Variants in NDST4 observed in about 807,000 individuals in gnomAD.
The protein encoded by NDST4 is N-heparan sulfate sulfotransferase 4.
NDST4 carries 63 observed loss-of-function variants against 100.8 expected under a neutral mutation model. The ratio of observed to expected loss-of-function variants is 0.62; its 90% CI spans 0.51 to 0.77. The LOEUF (loss-of-function observed/expected upper bound fraction) is 0.77. NDST4 is among the 30% of genes least tolerant of loss of function. The probability of loss-of-function intolerance (pLI) is 0.00; values close to 1 mark genes in which losing one functional copy is unlikely to be tolerated. For synonymous variants in NDST4, 377 were observed against 361.8 expected, an observed-to-expected ratio of 1.04 and a Z score of -0.48; for missense variants, 943 against 1,018.4, an observed-to-expected ratio of 0.93 and a Z score of 1.01.
At chr4:115,098,972 T>C (rs529701668) in intron 1 of NDST4, among the ~76,000 whole-genome samples, 1 of 152,170 alleles carries the variant, frequency 6.6e-6, no homozygotes, top group East Asian at 1.9e-4. Context: ...CGTCCCAAAA[T>C]GATGGGATTA....
chr4:114,937,290 T>C (rs778984904), intron 5 of NDST4, 28 bp downstream of exon 5: 6 of 1,610,012 alleles, frequency 3.7e-6, no homozygotes. Flanking sequence ...ATTAACATCC[T>C]TCAATATACA....
chr4:114,881,117 T>A (rs1429049671), intron 6 of NDST4, among the ~76,000 whole-genome samples: 1 of 151,938 alleles, frequency 6.6e-6, no homozygotes, highest in Non-Finnish European at 1.5e-5. Context: ...CATTGAAGGA[T>A]TTTGAGTAGG....
At chr4:114,842,465 G>A (rs962781031) in intron 10 of NDST4, among the ~76,000 whole-genome samples, 7 of 151,318 alleles carry the variant, frequency 4.6e-5, no homozygotes, top group African/African-American at 1.7e-4. Flanking sequence ...TACGAACTCG[G>A]ATCAGCAAAA....
At chr4:115,090,493 C>T (rs549090865) in intron 1 of NDST4, among the ~76,000 whole-genome samples, 3 of 151,888 alleles carry the variant, frequency 2.0e-5, no homozygotes, top group Middle Eastern at 3.4e-3. Flanking sequence ...ATTCTCAATC[C>T]AGTCACCTTT....
intron 2 of NDST4, among the ~76,000 whole-genome samples, chr4:115,074,478 A>G (rs569677463): frequency 6.6e-6 from 1 of 152,162 alleles, no homozygotes; most frequent in South Asian, 2.1e-4. Flanking sequence ...GAAAACTGTC[A>G]TTTATACTAA....
intron 7 of NDST4, among the ~76,000 whole-genome samples, chr4:114,867,881 G>C (rs984895388): frequency 6.6e-6 from 1 of 152,002 alleles, no homozygotes; most frequent in Non-Finnish European, 1.5e-5. Context: ...ACCTGTGAAA[G>C]AATCAATTTC....
In NDST4 at chr4:115,075,784, G is replaced by GGAAAAA. The variant is rs552103308; in HGVS notation, c.978+274_978+275insTTTTTC. On this transcript the variant is annotated intron_variant, in intron 2 of 13. Transcript: ENST00000264363. ...GGGCGACAGAGCAAGAGTCTGTTCAGAAAAAAAAAAAAAAAAAAAGGCAAA... is the reference window on the plus strand; with the variant it reads ...GGGCGACAGAGCAAGAGTCTGTTCAGGAAAAAAAAAAAAAAAAAAAAAAAAGGCAAA... Among the ~76,000 whole-genome samples, 14 of 87,422 alleles carry GGAAAAA rather than the reference G, an allele frequency of 1.6e-4. 1 individual carries two copies. In the East Asian group the frequency reaches 3.1e-3, roughly 19 times the overall value. The allele number at this position is 87,422 out of a possible 152,430, so 57.4% of individuals were successfully genotyped here.
At chr4:115,093,921 A>C (rs1421155791) in intron 1 of NDST4, among the ~76,000 whole-genome samples, 1 of 152,098 alleles carries the variant, frequency 6.6e-6, no homozygotes, top group East Asian at 1.9e-4. Flanking sequence ...AGAAACAATA[A>C]AGATGAGCAG....
intron 2 of NDST4, 99 bp from the exon 3 acceptor site, chr4:114,977,373 T>G: frequency 1.5e-6 from 1 of 661,900 alleles, no homozygotes; most frequent in Non-Finnish European, 2.6e-6. Context: ...AACAAAATGA[T>G]ATGAGCTTTC....
intron 3 of NDST4, among the ~76,000 whole-genome samples, chr4:114,976,589 A>G (rs1560839584): frequency 6.6e-6 from 1 of 152,100 alleles, no homozygotes; most frequent in Non-Finnish European, 1.5e-5. Flanking sequence ...GACTGAACAT[A>G]AGTACAATTG....
chr4:114,946,219 A>T (rs1234370028), intron 4 of NDST4, among the ~76,000 whole-genome samples: 1 of 152,142 alleles, frequency 6.6e-6, no homozygotes, highest in East Asian at 1.9e-4. Flanking sequence ...TACTTTATTG[A>T]CAATCAACAT....
chr4:115,074,652 G>A (rs576451478), intron 2 of NDST4, among the ~76,000 whole-genome samples: 1 of 152,020 alleles, frequency 6.6e-6, no homozygotes, highest in East Asian at 1.9e-4. Flanking sequence ...AGAGTTCATT[G>A]GTTCACATAT....
At chr4:114,962,403 C>G (rs898625053) in intron 4 of NDST4, among the ~76,000 whole-genome samples, 2 of 151,946 alleles carry the variant, frequency 1.3e-5, no homozygotes, top group Non-Finnish European at 2.9e-5. Flanking sequence ...TATACATAGA[C>G]AATCCTAAGG....
At chr4:114,852,900 A>G (rs1291585729) in intron 7 of NDST4, 79 bp from the exon 8 acceptor site, 4 of 986,510 alleles carry the variant, frequency 4.1e-6, no homozygotes, top group Non-Finnish European at 6.0e-6. Flanking sequence ...CAAAAGATGG[A>G]ATCAAATTCT....
At position 114,833,672 on chromosome 4, in the gene NDST4, G is replaced by C; in HGVS notation, c.2330C>G (p.Thr777Ser). 6.2e-7 allele frequency: 1 copy of C among 1,612,932 alleles called. No homozygotes were observed. The highest frequency in any genetic ancestry group is 1.7e-4 in the Middle Eastern group (1 of 6,058). Residue 777 changes from threonine to serine, a missense_variant, in exon 12 of 14, where the codon ACT becomes AGT. Coordinates refer to ENST00000264363, the MANE Select transcript of NDST4 (RefSeq NM_022569.3). ...AAACTTCTGGACTTCATCCATCACA[G>C]TAGCTGGGTCAGATCTCAGCTGCTG... ...DGQQLRSDPA[T>S]VMDEVQKFLG...
intron 2 of NDST4, among the ~76,000 whole-genome samples, chr4:115,018,294 A>G (rs1261279725): frequency 6.6e-6 from 1 of 152,016 alleles, no homozygotes; most frequent in Non-Finnish European, 1.5e-5. Context: ...TATAACATAT[A>G]GCAGACAGAT....
At chr4:114,858,077 G>A (rs942432089) in intron 7 of NDST4, among the ~76,000 whole-genome samples, 1 of 152,158 alleles carries the variant, frequency 6.6e-6, no homozygotes, top group Admixed American at 6.5e-5. Flanking sequence ...AACCATGGCA[G>A]CACAGGTGAA....
intron 8 of NDST4, among the ~76,000 whole-genome samples, chr4:114,849,873 A>G (rs1337769324): frequency 6.6e-6 from 1 of 152,190 alleles, no homozygotes; most frequent in Non-Finnish European, 1.5e-5. Context: ...AAAAATACAG[A>G]TGTAATAGTT....
intron 2 of NDST4, among the ~76,000 whole-genome samples, chr4:114,987,255 C>A (rs1481408336): frequency 1.3e-5 from 2 of 152,096 alleles, no homozygotes; most frequent in Non-Finnish European, 2.9e-5. Context: ...GTTTATAACA[C>A]AAAATATCCC....
Sources: gnomAD v4.1 joint callset for allele counts (sites outside exome capture counted in the v4.1 genomes callset) on GRCh38, gnomAD v4.1.1 for gene constraint, MANE v1.5 for transcripts, NCBI Gene and HGNC (gene_info 2026-07-23, HGNC 2026-07-21) for gene names.